ROBO2: variants seen among roughly 807,000 people sequenced by gnomAD.
ROBO2 encodes roundabout guidance receptor 2.
Under a neutral mutation model 160.8 loss-of-function variants are expected in ROBO2, and 53 were observed. The observed-to-expected ratio is 0.33, with a 90% CI of 0.26 to 0.41. The LOEUF (loss-of-function observed/expected upper bound fraction) is 0.41, where lower values mean the gene tolerates loss of function less well. Ranked by LOEUF, ROBO2 falls within the 10% of genes least tolerant of loss-of-function variation. ROBO2 has a pLI of 1.00. For synonymous variants in ROBO2, 664 were observed against 611.7 expected, an observed-to-expected ratio of 1.09 and a Z score of -1.26; for missense variants, 1,577 against 1,722.4, an observed-to-expected ratio of 0.92 and a Z score of 1.49.
chr3:76,755,239 CCAAA>C (rs1475203569), intron 2 of ROBO2, among the ~76,000 whole-genome samples: 2 of 151,674 alleles, frequency 1.3e-5, no homozygotes, highest in Non-Finnish European at 2.9e-5. Context: ...TGAATATTTA[CCAAA>C]CAGTTTTCAT....
At chr3:76,692,997 TATATGTATGTATATAC>T in intron 2 of ROBO2, among the ~76,000 whole-genome samples, 1 of 149,962 alleles carries the variant, frequency 6.7e-6, no homozygotes, top group African/African-American at 2.4e-5. Context: ...TGTGTATGTA[TATATGTATGTATATAC>T]ACATATGTGT....
chr3:76,433,863 A>C (rs527995148), intron 2 of ROBO2, among the ~76,000 whole-genome samples: 11 of 152,238 alleles, frequency 7.2e-5, no homozygotes, highest in Non-Finnish European at 1.3e-4. Flanking sequence ...TAGAATTCAC[A>C]TCTCTATCTA....
chr3:76,046,346 G>A (rs1262871073), intron 2 of ROBO2, among the ~76,000 whole-genome samples: 2 of 151,922 alleles, frequency 1.3e-5, no homozygotes, highest in African/African-American at 4.8e-5. Context: ...GATGAAGTGA[G>A]ACCATCAAAA....
intron 2 of ROBO2, among the ~76,000 whole-genome samples, chr3:76,794,956 C>T (rs1270442515): frequency 6.6e-6 from 1 of 151,940 alleles, no homozygotes; most frequent in Non-Finnish European, 1.5e-5. Flanking sequence ...AGAGATATTG[C>T]ACATTCAGGT....
chr3:76,501,600 TCTC>T (rs1188162141), intron 2 of ROBO2, among the ~76,000 whole-genome samples: 5 of 152,116 alleles, frequency 3.3e-5, no homozygotes, highest in African/African-American at 9.7e-5. Flanking sequence ...TTAAATAAAA[TCTC>T]CTAGCTAATA....
chr3:76,274,073 T>G (rs1017281475), intron 2 of ROBO2, among the ~76,000 whole-genome samples: 2 of 152,196 alleles, frequency 1.3e-5, no homozygotes, highest in African/African-American at 4.8e-5. Context: ...TTCTTAAAGG[T>G]ACCAACTCTT....
intron 2 of ROBO2, among the ~76,000 whole-genome samples, chr3:76,879,870 A>G (rs1329491086): frequency 6.6e-6 from 1 of 152,172 alleles, no homozygotes; most frequent in Non-Finnish European, 1.5e-5. Flanking sequence ...AAGCAAAAAT[A>G]TATTGGGAGT....
chr3:77,532,309 T>A (rs1435500228), intron 6 of ROBO2, among the ~76,000 whole-genome samples: 3 of 152,060 alleles, frequency 2.0e-5, no homozygotes. Context: ...AAAATATATT[T>A]TTTTCTTGGC....
intron 9 of ROBO2, among the ~76,000 whole-genome samples, chr3:77,560,675 T>C (rs2093292798): frequency 1.3e-5 from 2 of 152,144 alleles, no homozygotes; most frequent in African/African-American, 4.8e-5. Context: ...ACTGAATCTT[T>C]ATCTTTTGAG....
chr3:77,552,995 G>A (rs2092973649), intron 8 of ROBO2, among the ~76,000 whole-genome samples: 1 of 151,920 alleles, frequency 6.6e-6, no homozygotes, highest in Non-Finnish European at 1.5e-5. Flanking sequence ...TTCAGAGAAA[G>A]AAGTGATTAC....
chr3:77,179,516 T>C (rs1043064294), intron 2 of ROBO2, among the ~76,000 whole-genome samples: 2 of 151,954 alleles, frequency 1.3e-5, no homozygotes, highest in African/African-American at 4.8e-5. Flanking sequence ...AATGAAGATA[T>C]TAGTACCAGA....
At chr3:76,043,620 C>CAAAAAAAAAAAAAAAAAAAAAA (rs56988287) in intron 2 of ROBO2, among the ~76,000 whole-genome samples, 1 of 38,436 alleles carries the variant, frequency 2.6e-5, no homozygotes, top group Non-Finnish European at 4.6e-5. Context: ...CTTCATCGTC[C>CAAAAAAAAAAAAAAAAAAAAAA]AAAAAAAAAA....
intron 2 of ROBO2, among the ~76,000 whole-genome samples, chr3:76,709,352 C>T (rs2093240032): frequency 2.0e-5 from 3 of 152,276 alleles, no homozygotes; most frequent in South Asian, 4.1e-4. Flanking sequence ...ATACTTGCCA[C>T]CTCATTGTTC....
intron 2 of ROBO2, among the ~76,000 whole-genome samples, chr3:77,433,568 G>C (rs1253778536): frequency 6.9e-6 from 1 of 144,468 alleles, no homozygotes; most frequent in South Asian, 2.2e-4. Flanking sequence ...AGACTTACTT[G>C]TGAGTTCTCT....
chr3:76,369,617 G>T (rs1020690007), intron 2 of ROBO2, among the ~76,000 whole-genome samples: 11 of 151,758 alleles, frequency 7.2e-5, no homozygotes, highest in Non-Finnish European at 1.5e-4. Context: ...CACATTTATT[G>T]TATCTTTTCG....
intron 2 of ROBO2, among the ~76,000 whole-genome samples, chr3:76,403,541 T>C (rs1044246704): frequency 6.6e-6 from 1 of 151,514 alleles, no homozygotes; most frequent in Non-Finnish European, 1.5e-5. Context: ...TATATTGAAA[T>C]GACATCCCCA....
At chr3:76,922,631 A>G (rs2076738491) in intron 2 of ROBO2, among the ~76,000 whole-genome samples, 1 of 152,156 alleles carries the variant, frequency 6.6e-6, no homozygotes, top group African/African-American at 2.4e-5. Context: ...GCAACGACCT[A>G]TTTTATCGAC....
chr3:77,143,991 T>C (rs539402085), intron 2 of ROBO2, among the ~76,000 whole-genome samples: 1 of 152,324 alleles, frequency 6.6e-6, no homozygotes, highest in African/African-American at 2.4e-5. Flanking sequence ...AAATAAGTTA[T>C]GTCAGGTTAA....
At chr3:76,341,994 T>G (rs1489144466) in intron 2 of ROBO2, among the ~76,000 whole-genome samples, 1 of 152,152 alleles carries the variant, frequency 6.6e-6, no homozygotes, top group African/African-American at 2.4e-5. Flanking sequence ...GGTATAAAAT[T>G]TGGAAAGCTG....
Sources: gnomAD v4.1 joint callset for allele counts (sites outside exome capture counted in the v4.1 genomes callset) on GRCh38, gnomAD v4.1.1 for gene constraint, MANE v1.5 for transcripts, NCBI Gene and HGNC (gene_info 2026-07-23, HGNC 2026-07-21) for gene names.